The following BRF1 variants were observed in gnomAD, a reference collection of about 807,000 sequenced individuals.
BRF1 encodes the protein BRF1 general transcription factor IIIB subunit.
Under a neutral mutation model 81.7 loss-of-function variants are expected in BRF1, and 59 were observed. The ratio of observed to expected loss-of-function variants is 0.72; its 90% confidence interval spans 0.59 to 0.90. The LOEUF (loss-of-function observed/expected upper bound fraction) is 0.90, where lower values mean the gene tolerates loss of function less well. Ranked by LOEUF, BRF1 falls within the 40% of genes least tolerant of loss-of-function variation. BRF1 has a pLI of 0.00. For synonymous variants in BRF1, 491 were observed against 395.6 expected, an observed-to-expected ratio of 1.24 and a Z score of -2.86; for missense variants, 1,050 against 936.3, an observed-to-expected ratio of 1.12 and a Z score of -1.58.
intron 3 of BRF1, among the ~76,000 whole-genome samples, chr14:105,257,598 G>T (rs2055946591): frequency 6.6e-6 from 1 of 152,204 alleles, no homozygotes; most frequent in African/African-American, 2.4e-5. Context: ...CTGAAGGCAG[G>T]CAGTCCCAGA....
intron 5 of BRF1, among the ~76,000 whole-genome samples, chr14:105,243,097 C>G (rs2140216911): frequency 6.6e-6 from 1 of 151,876 alleles, no homozygotes; most frequent in East Asian, 1.9e-4. Context: ...GCCTGGATGA[C>G]AGAGTGAGAC....
rs1362954585 is a variant in BRF1 at position 105,309,212 on chromosome 14, G to A, written c.-162+6110C>T. On this transcript the variant is annotated intron_variant, in intron 1 of 17. Coordinates refer to the BRF1 transcript ENST00000327359. The surrounding 1 kb of genome is among the most constrained non-coding windows in gnomAD (Gnocchi z 4.0). Reference sequence around the variant, plus strand: ...ATGATATTCTATTGTGGGAAAGAAAGAAGTGTTAAAATTTATGCATCAAGG... The same window carrying A: ...ATGATATTCTATTGTGGGAAAGAAAAAAGTGTTAAAATTTATGCATCAAGG... 6.6e-6 allele frequency among the ~76,000 whole-genome samples: 1 copy of A among 152,162 alleles called. No homozygotes were observed. The highest frequency in any genetic ancestry group is 2.1e-4 in the South Asian group (1 of 4,830).
chr14:105,220,242 C>T (rs986195074), intron 11 of BRF1, 112 bp from the exon 12 acceptor site: 3 of 1,187,974 alleles, frequency 2.5e-6, no homozygotes, highest in South Asian at 1.3e-5. Context: ...CTTTCTAGAA[C>T]CCCGTCCCCT....
chr14:105,279,689 C>T (rs1010880792), intron 2 of BRF1, among the ~76,000 whole-genome samples: 7 of 152,152 alleles, frequency 4.6e-5, no homozygotes, highest in African/African-American at 1.7e-4. Context: ...AGGACCCAGA[C>T]ACCCATTCGC....
At chr14:105,245,406 C>T (rs1429730974) in intron 5 of BRF1, among the ~76,000 whole-genome samples, 1 of 151,826 alleles carries the variant, frequency 6.6e-6, no homozygotes, top group Non-Finnish European at 1.5e-5. Context: ...AATTAATGAA[C>T]TAAAATAACA....
chr14:105,219,964 C>A (rs1434141984), intron 12 of BRF1, 105 bp downstream of exon 12: 3 of 1,294,862 alleles, frequency 2.3e-6, no homozygotes, highest in African/African-American at 1.5e-5. Context: ...GCGGGGTGGG[C>A]TCTGGGCAGG....
At chr14:105,250,411 T>A in intron 5 of BRF1, 1 of 1,613,900 alleles carries the variant, frequency 6.2e-7, no homozygotes, top group Non-Finnish European at 8.5e-7. Flanking sequence ...TGGTTCTGGC[T>A]CAGAACTTGA....
In BRF1 at chr14:105,224,318, G is replaced by A. The variant is rs778202767; in HGVS notation, c.1048+1751C>T. On this transcript the variant is annotated intron_variant, in intron 10 of 17. Coordinates refer to ENST00000547530, the MANE Select transcript of BRF1 (RefSeq NM_001519.4). ...TACAGGGTAGAGGTTGTGGTGAGCT[G>A]AGATTATGCAACTGCACTCCAGCCT... is the stretch of plus-strand genomic sequence containing the variant. Among the ~76,000 whole-genome samples, 17 of 152,194 alleles carry A rather than the reference G, an allele frequency of 1.1e-4. No individual in the cohort carries two copies. In the South Asian group the frequency reaches 1.7e-3, roughly 15 times the overall value.
At chr14:105,274,657 G>C (rs1041510497) in intron 2 of BRF1, among the ~76,000 whole-genome samples, 1 of 152,264 alleles carries the variant, frequency 6.6e-6, no homozygotes, top group Admixed American at 6.5e-5. Flanking sequence ...CTGCAGGCAG[G>C]AGGAACCTTG....
chr14:105,211,399 C>G (rs1890091083), intron 16 of BRF1, 106 bp from the exon 17 acceptor site: 3 of 1,098,072 alleles, frequency 2.7e-6, no homozygotes, highest in Non-Finnish European at 2.5e-6. Context: ...GCCACTCCCG[C>G]CACACCAGTG....
chr14:105,209,650 G>A lies in BRF1; in HGVS notation c.*901C>T, dbSNP rs770464203. 10 of 685,556 alleles carry A rather than the reference G, an allele frequency of 1.5e-5. No individual in the cohort carries two copies. The highest frequency in any genetic ancestry group is 1.1e-4 in the African/African-American group (6 of 56,862). The allele number at this position is 685,556 out of a possible 1,614,324, so 42.5% of individuals were successfully genotyped here. The stretch of plus-strand genomic sequence containing the variant: ...GGGCCTCCGTCTGCCCTCCCTCCTC[G>A]ATGGGGGGCCTGATCCAGCTCTGAC... On this transcript the variant is annotated 3_prime_UTR_variant, in exon 18 of 18. Coordinates refer to ENST00000547530, the MANE Select transcript of BRF1 (RefSeq NM_001519.4).
chr14:105,249,544 G>T, intron 5 of BRF1: 1 of 1,597,580 alleles, frequency 6.3e-7, no homozygotes, highest in Non-Finnish European at 8.5e-7. Context: ...GGCTTCTGAA[G>T]GGAAGCACAC....
Position 105,209,409 on chromosome 14 carries a change from C to CT in BRF1, c.*1141dup. 1.5e-6 allele frequency: 1 copy of CT among 663,352 alleles called. No individual in the cohort carries two copies. Among genetic ancestry groups the CT allele is most frequent in the Non-Finnish European group, 2.8e-6 (1 of 362,632 alleles). The allele number at this position is 663,352 out of a possible 1,614,324, so 41.1% of individuals were successfully genotyped here. A position where few individuals can be genotyped will look rare whatever the true frequency, so the allele number is the denominator to read the frequency against. On this transcript the variant is annotated 3_prime_UTR_variant, in exon 18 of 18. Coordinates refer to ENST00000547530, the MANE Select transcript of BRF1 (RefSeq NM_001519.4). ...CTGGGCGGGGGTAGGGGGGTCTGGC[C>CT]TGCTGCGGGCCAAGTTGGGGCAGGA...
At chr14:105,291,206 C>A (rs1241604845) in intron 1 of BRF1, among the ~76,000 whole-genome samples, 1 of 152,186 alleles carries the variant, frequency 6.6e-6, no homozygotes, top group Admixed American at 6.5e-5. Context: ...GGGCCAGAGG[C>A]CGCAGGGGCA....
intron 11 of BRF1, among the ~76,000 whole-genome samples, chr14:105,220,753 T>C (rs1246432205): frequency 6.6e-6 from 1 of 152,186 alleles, no homozygotes; most frequent in Admixed American, 6.5e-5. Flanking sequence ...TGCTGCCAAG[T>C]CAACTCCAGC....
Position 105,269,412 on chromosome 14 carries a change from T to C in BRF1, c.439+3309A>G, listed in dbSNP as rs890868010. 2.2e-4 allele frequency among the ~76,000 whole-genome samples: 34 copies of C among 152,084 alleles called. No individual in the cohort carries two copies. The highest frequency in any genetic ancestry group is 7.7e-4 in the African/African-American group (32 of 41,406). ...CCTTAGCAGCTTTATAAGGTACAAG[T>C]TTGTGCCACAAACCTGCCTGTTCAC... On this transcript the variant is annotated intron_variant, in intron 3 of 17. Coordinates refer to ENST00000547530, the MANE Select transcript of BRF1 (RefSeq NM_001519.4). The surrounding 1 kb of genome is among the most constrained non-coding windows in gnomAD (Gnocchi z 5.0).
chr14:105,249,212 C>A lies in BRF1; in HGVS notation c.544+3295G>T, dbSNP rs746584231. On this transcript the variant is annotated intron_variant, in intron 5 of 17. Transcript: ENST00000547530. Reference sequence around the variant, plus strand: ...GGCCGACGTGCACTTCGTCGTGGGGCCCCCGGGGGCGACCAGGACGGTGCC... The same window carrying A: ...GGCCGACGTGCACTTCGTCGTGGGGACCCCGGGGGCGACCAGGACGGTGCC... 7 of 1,587,408 alleles carry A rather than the reference C, an allele frequency of 4.4e-6. No individual in the cohort carries two copies. The African/African-American group carries it at 8.0e-5, about 18-fold the overall frequency.
chr14:105,226,596 G>C (rs768947116), intron 8 of BRF1, 38 bp downstream of exon 8: 2 of 1,610,506 alleles, frequency 1.2e-6, no homozygotes, highest in Admixed American at 1.7e-5. Context: ...CCCAAGGCTG[G>C]CAAGCCCAGC....
intron 1 of BRF1, among the ~76,000 whole-genome samples, chr14:105,307,113 T>C (rs186206083): frequency 6.6e-6 from 1 of 151,860 alleles, no homozygotes; most frequent in Admixed American, 6.6e-5. Context: ...GGTATGATCA[T>C]AGCTCACTGT....
Sources: gnomAD v4.1 joint callset for allele counts (sites outside exome capture counted in the v4.1 genomes callset) on GRCh38, gnomAD v4.1.1 for gene constraint, Gnocchi (gnomAD v3.1) non-coding constraint, MANE v1.5 for transcripts, NCBI Gene and HGNC (gene_info 2026-07-23, HGNC 2026-07-21) for gene names.